The following UVRAG variants were observed in gnomAD, a reference collection of about 807,000 sequenced individuals.
UVRAG encodes the protein UV radiation resistance-associated gene protein.
A neutral mutation model predicts 78.0 loss-of-function variants in UVRAG; 19 were observed. The ratio of observed to expected loss-of-function variants is 0.24; its 90% CI spans 0.17 to 0.36. The LOEUF (loss-of-function observed/expected upper bound fraction) is 0.36, where lower values mean the gene tolerates loss of function less well. UVRAG is among the 10% of genes least tolerant of loss of function. UVRAG has a pLI of 1.00. For missense variants in UVRAG, 740 were observed against 853.8 expected, an observed-to-expected ratio of 0.87 and a Z score of 1.66; for synonymous variants, 323 against 324.6, an observed-to-expected ratio of 1.00 and a Z score of 0.05.
chr11:76,064,175 A>G (rs1951144757), intron 12 of UVRAG, among the ~76,000 whole-genome samples: 1 of 152,216 alleles, frequency 6.6e-6, no homozygotes, highest in Non-Finnish European at 1.5e-5. Context: ...CTCTTCTAAC[A>G]TACGAAACAG....
intron 13 of UVRAG, among the ~76,000 whole-genome samples, chr11:76,072,482 A>G (rs1203682081): frequency 6.6e-6 from 1 of 152,182 alleles, no homozygotes. Context: ...TGCTCTTGCC[A>G]CTTATCCCAA....
At chr11:75,824,759 C>T (rs1590898630) in intron 1 of UVRAG, among the ~76,000 whole-genome samples, 2 of 148,858 alleles carry the variant, frequency 1.3e-5, no homozygotes, top group South Asian at 2.1e-4. Context: ...CTGCAAGCTC[C>T]GCCTCCCGGG....
intron 14 of UVRAG, among the ~76,000 whole-genome samples, chr11:76,129,860 G>A (rs1252131710): frequency 1.3e-5 from 2 of 151,500 alleles, no homozygotes; most frequent in South Asian, 2.1e-4. Context: ...ACTTTCCAAA[G>A]TATAAATGTC....
At chr11:76,024,754 G>GATT (rs1360885327) in intron 12 of UVRAG, among the ~76,000 whole-genome samples, 3 of 152,144 alleles carry the variant, frequency 2.0e-5, no homozygotes, top group African/African-American at 7.2e-5. Context: ...TATGTTTAGT[G>GATT]ATTATGCTTA....
chr11:75,894,363 C>T (rs910226047), intron 5 of UVRAG, among the ~76,000 whole-genome samples: 2 of 151,930 alleles, frequency 1.3e-5, no homozygotes, highest in African/African-American at 4.8e-5. Context: ...AAAAAAAACT[C>T]CAGCCAACTG....
At chr11:75,930,391 C>A (rs964863949) in intron 6 of UVRAG, among the ~76,000 whole-genome samples, 25 of 152,124 alleles carry the variant, frequency 1.6e-4, no homozygotes, top group African/African-American at 5.8e-4. Context: ...TCTAACACTT[C>A]TTGAAACATT....
At chr11:75,879,111 TG>T (rs1946884090) in intron 3 of UVRAG, among the ~76,000 whole-genome samples, 1 of 152,248 alleles carries the variant, frequency 6.6e-6, no homozygotes, top group Admixed American at 6.5e-5. Context: ...AGCATAAAGC[TG>T]ACCTTGTTAT....
intron 6 of UVRAG, among the ~76,000 whole-genome samples, chr11:75,946,175 C>T (rs562422865): frequency 6.6e-6 from 1 of 152,270 alleles, no homozygotes; most frequent in South Asian, 2.1e-4. Context: ...AGAGCACAGA[C>T]TGTCTGCAAT....
At chr11:76,116,717 C>T (rs1289670599) in intron 14 of UVRAG, among the ~76,000 whole-genome samples, 3 of 152,192 alleles carry the variant, frequency 2.0e-5, no homozygotes, top group African/African-American at 4.8e-5. Context: ...TACAAAATCA[C>T]GTGCCTGGAA....
intron 6 of UVRAG, among the ~76,000 whole-genome samples, chr11:75,957,934 G>T (rs1272071124): frequency 6.6e-6 from 1 of 152,156 alleles, no homozygotes; most frequent in Non-Finnish European, 1.5e-5. Context: ...TCAATAAAGC[G>T]AGTCACATGA....
chr11:75,827,646 C>T (rs61898010), intron 1 of UVRAG, among the ~76,000 whole-genome samples: 1 of 152,052 alleles, frequency 6.6e-6, no homozygotes, highest in Non-Finnish European at 1.5e-5. Flanking sequence ...AAAACTAATT[C>T]TGAGTGCAGG....
In UVRAG at chr11:75,966,802, T is replaced by C. The variant is rs570296535; in HGVS notation, c.699+5253T>C. ...TAGGCTCAAACTGTCATGCCTGCAA[T>C]GAACATTGGCTCAGATTACAGTGTA... On this transcript the variant is annotated intron_variant, in intron 7 of 14. Coordinates refer to ENST00000356136, the MANE Select transcript of UVRAG (RefSeq NM_003369.4). Among the ~76,000 whole-genome samples the C allele has an allele frequency of 7.2e-5, 11 of 152,342 alleles. No homozygotes were observed. The South Asian group carries it at 2.3e-3, about 32-fold the overall frequency.
intron 8 of UVRAG, among the ~76,000 whole-genome samples, chr11:75,996,522 G>A (rs972551025): frequency 3.3e-5 from 5 of 152,096 alleles, no homozygotes; most frequent in African/African-American, 4.8e-5. Context: ...AGGTACAGGA[G>A]GTGACACACT....
intron 14 of UVRAG, among the ~76,000 whole-genome samples, chr11:76,121,022 G>T (rs1479111369): frequency 6.6e-6 from 1 of 152,138 alleles, no homozygotes; most frequent in Admixed American, 6.5e-5. Context: ...TGGTGTTGAG[G>T]ATTTCATACT....
chr11:75,914,062 C>T (rs1161946650), intron 6 of UVRAG: 2 of 152,184 alleles, frequency 1.3e-5, no homozygotes, highest in Non-Finnish European at 2.9e-5. Context: ...TATTTATCAA[C>T]CAAATTTACT....
At chr11:75,972,965 CAAT>C (rs952097026) in intron 7 of UVRAG, among the ~76,000 whole-genome samples, 2 of 152,040 alleles carry the variant, frequency 1.3e-5, no homozygotes, top group African/African-American at 4.8e-5. Context: ...TATATGGAAA[CAAT>C]AATATTATCT....
chr11:75,899,037 T>G (rs985296821), intron 5 of UVRAG, among the ~76,000 whole-genome samples: 1 of 152,144 alleles, frequency 6.6e-6, no homozygotes, highest in Non-Finnish European at 1.5e-5. Flanking sequence ...TTTTAGTACA[T>G]TATCAAGGAA....
intron 8 of UVRAG, among the ~76,000 whole-genome samples, chr11:75,992,711 A>G (rs573314692): frequency 1.8e-4 from 27 of 152,188 alleles, no homozygotes; most frequent in African/African-American, 5.1e-4. Flanking sequence ...TTGTTCTTCA[A>G]TATTCTATTC....
chr11:75,913,011 A>C (rs1322071170), intron 6 of UVRAG, among the ~76,000 whole-genome samples: 1 of 152,228 alleles, frequency 6.6e-6, no homozygotes, highest in Non-Finnish European at 1.5e-5. Context: ...TAGGATATGT[A>C]GCAGAACACA....
Sources: allele counts gnomAD v4.1 joint callset (sites outside exome capture counted in the v4.1 genomes callset), GRCh38; gene constraint gnomAD v4.1.1; transcripts MANE v1.5; gene names NCBI Gene and HGNC (gene_info 2026-07-23, HGNC 2026-07-21).